SNRPC: variants seen among roughly 807,000 people sequenced by gnomAD.
The protein encoded by SNRPC is small nuclear ribonucleoprotein polypeptide C.
SNRPC carries 5 observed loss-of-function variants against 20.0 expected under a neutral mutation model. That is an observed-to-expected ratio of 0.25 (90% confidence interval 0.13 to 0.53). The LOEUF (loss-of-function observed/expected upper bound fraction) is 0.53, where lower values mean the gene tolerates loss of function less well. Among genes scored for constraint, SNRPC ranks in the 20% least tolerant of loss-of-function variants. SNRPC has a pLI of 0.96. For synonymous variants in SNRPC, 61 were observed against 58.7 expected, an observed-to-expected ratio of 1.04 and a Z score of -0.18; for missense variants, 112 against 224.1, an observed-to-expected ratio of 0.50 and a Z score of 3.19.
chr6:34,760,760 T>C (rs536340019), intron 2 of SNRPC, among the ~76,000 whole-genome samples: 2 of 152,060 alleles, frequency 1.3e-5, no homozygotes, highest in South Asian at 4.1e-4. Flanking sequence ...TAGAAATGTG[T>C]AAAATCAGCT....
chr6:34,764,448 C>T (rs557476712), intron 3 of SNRPC, among the ~76,000 whole-genome samples: 3 of 151,530 alleles, frequency 2.0e-5, no homozygotes, highest in Non-Finnish European at 4.4e-5. Flanking sequence ...TGCATTCCAG[C>T]CTGGGCAACA....
intron 5 of SNRPC, among the ~76,000 whole-genome samples, chr6:34,770,990 T>G (rs989855359): frequency 2.6e-5 from 4 of 152,180 alleles, no homozygotes; most frequent in Admixed American, 2.6e-4. Flanking sequence ...TAAACATACA[T>G]TAATTTGCAA....
Position 34,770,404 on chromosome 6 carries a change from G to A in SNRPC, c.355+9G>A, listed in dbSNP as rs771983525. The A allele has an allele frequency of 2.6e-6, 4 of 1,544,642 alleles. No homozygotes were observed. In the African/African-American group the frequency reaches 5.4e-5, roughly 21 times the overall value. On this transcript the variant is annotated intron_variant, in intron 5 of 5. Transcript: ENST00000244520. ...GATGCCAGTGGGACCTGGTAAGTTT[G>A]AATGTCTGTCTTTCTAGTTTGTTCC...
At chr6:34,762,950 G>A (rs1764556745) in intron 3 of SNRPC, among the ~76,000 whole-genome samples, 1 of 152,186 alleles carries the variant, frequency 6.6e-6, no homozygotes, top group East Asian at 1.9e-4. Context: ...GAGAAGAGTG[G>A]AGGTGCTTAA....
intron 2 of SNRPC, among the ~76,000 whole-genome samples, chr6:34,761,012 C>T (rs181817085): frequency 9.0e-4 from 136 of 150,656 alleles, no homozygotes; most frequent in Middle Eastern, 3.5e-3. Flanking sequence ...CTTGCCACTG[C>T]ACTCCAGCCT....
At chr6:34,761,384 C>T (rs147602809) in intron 2 of SNRPC, among the ~76,000 whole-genome samples, 10,064 of 152,042 alleles carry the variant, frequency 0.066, 540 homozygotes, top group East Asian at 0.33. Context: ...GTGATCCGCA[C>T]ACTTTGGCCT....
At chr6:34,762,962 A>AT (rs1764556937) in intron 3 of SNRPC, among the ~76,000 whole-genome samples, 1 of 152,194 alleles carries the variant, frequency 6.6e-6, no homozygotes, top group African/African-American at 2.4e-5. Context: ...GGTGCTTAAT[A>AT]TTTATCTATT....
At chr6:34,759,638 A>G (rs1337395763) in intron 2 of SNRPC, among the ~76,000 whole-genome samples, 1 of 152,232 alleles carries the variant, frequency 6.6e-6, no homozygotes, top group African/African-American at 2.4e-5. Context: ...GAATACAGTG[A>G]TCACTAATAC....
At chr6:34,757,675 C>A in intron 1 of SNRPC, 124 bp downstream of exon 1, 1 of 1,373,856 alleles carries the variant, frequency 7.3e-7, no homozygotes, top group Non-Finnish European at 1.0e-6. Context: ...GCCGGGTGGA[C>A]GGAGGCAGGG....
intron 2 of SNRPC, among the ~76,000 whole-genome samples, chr6:34,762,243 G>A (rs1191463183): frequency 2.0e-5 from 3 of 152,074 alleles, no homozygotes; most frequent in Non-Finnish European, 2.9e-5. Flanking sequence ...GGTTGAGGCT[G>A]CAGTGAGCCG....
intron 2 of SNRPC, among the ~76,000 whole-genome samples, chr6:34,758,555 T>C (rs999765579): frequency 9.2e-5 from 14 of 152,088 alleles, no homozygotes; most frequent in Non-Finnish European, 1.6e-4. Flanking sequence ...CCTCAGGCGA[T>C]CTGTCCTCCT....
At chr6:34,764,068 A>G (rs1395837503) in intron 3 of SNRPC, among the ~76,000 whole-genome samples, 1 of 151,392 alleles carries the variant, frequency 6.6e-6, no homozygotes, top group East Asian at 2.0e-4. Flanking sequence ...GTCCGGGCAC[A>G]GTGGCTTACT....
chr6:34,757,512 G>C lies in SNRPC; in HGVS notation c.-32G>C. On this transcript the variant is annotated 5_prime_UTR_variant, in exon 1 of 6. Transcript: ENST00000244520. ...TGTGCGCGTCATTTCCGGGCGTCACGTAACGGAGTGGCCAACGGCCTGCAG... is the reference window on the plus strand; with the variant it reads ...TGTGCGCGTCATTTCCGGGCGTCACCTAACGGAGTGGCCAACGGCCTGCAG... 1.9e-6 allele frequency: 3 copies of C among 1,612,000 alleles called. No individual in the cohort carries two copies. The highest frequency in any genetic ancestry group is 2.5e-6 in the Non-Finnish European group (3 of 1,178,110).
At chr6:34,766,958 A>T (rs1451335208) in intron 3 of SNRPC, among the ~76,000 whole-genome samples, 1 of 152,038 alleles carries the variant, frequency 6.6e-6, no homozygotes, top group Non-Finnish European at 1.5e-5. Flanking sequence ...TTTATTTGTG[A>T]TTCTTTTCTA....
At chr6:34,771,187 GGT>G (rs1392121179) in intron 5 of SNRPC, among the ~76,000 whole-genome samples, 1 of 152,088 alleles carries the variant, frequency 6.6e-6, no homozygotes, top group Admixed American at 6.6e-5. Context: ...AAATTAGCCA[GGT>G]GTGGTGGCAC....
chr6:34,759,041 AAAAAG>A (rs374632010), intron 2 of SNRPC, among the ~76,000 whole-genome samples: 1 of 145,770 alleles, frequency 6.9e-6, no homozygotes, highest in African/African-American at 2.5e-5. Context: ...AAAAAAAAAA[AAAAAG>A]AAAAGAAAAC....
chr6:34,762,037 C>T (rs996601672), intron 2 of SNRPC, among the ~76,000 whole-genome samples: 22 of 152,118 alleles, frequency 1.4e-4, no homozygotes, highest in Admixed American at 5.2e-4. Context: ...CTCTGTGGCT[C>T]ACACCTGTAA....
At chr6:34,771,373 G>A (rs1023419243) in intron 5 of SNRPC, among the ~76,000 whole-genome samples, 8 of 149,676 alleles carry the variant, frequency 5.3e-5, no homozygotes, top group Non-Finnish European at 1.0e-4. Context: ...TTGGAACACT[G>A]TATATTTATT....
At chr6:34,767,523 A>G (rs1247894693) in intron 3 of SNRPC, among the ~76,000 whole-genome samples, 3 of 152,124 alleles carry the variant, frequency 2.0e-5, no homozygotes, top group African/African-American at 7.2e-5. Flanking sequence ...ATGAATTGAG[A>G]GGGTCACCTG....
Sources: gnomAD v4.1 joint callset for allele counts (sites outside exome capture counted in the v4.1 genomes callset) on GRCh38, gnomAD v4.1.1 for gene constraint, MANE v1.5 for transcripts, NCBI Gene and HGNC (gene_info 2026-07-23, HGNC 2026-07-21) for gene names.